CCAR1: variants seen among roughly 807,000 people sequenced by gnomAD.
CCAR1 encodes the protein cell division cycle and apoptosis regulator 1.
In CCAR1, 78 loss-of-function variants were observed where a neutral mutation model predicts 163.8. The observed-to-expected ratio is 0.48, with a 90% CI of 0.40 to 0.57. The LOEUF (loss-of-function observed/expected upper bound fraction) is 0.57. CCAR1 is among the 20% of genes least tolerant of loss of function. The pLI is 0.00. For missense variants in CCAR1, 1,019 were observed against 1,365.2 expected, an observed-to-expected ratio of 0.75 and a Z score of 4.00; for synonymous variants, 443 against 460.7, an observed-to-expected ratio of 0.96 and a Z score of 0.49.
At chr10:68,728,060 C>T (rs1043859145) in intron 2 of CCAR1, among the ~76,000 whole-genome samples, 6 of 152,190 alleles carry the variant, frequency 3.9e-5, no homozygotes, top group Non-Finnish European at 7.3e-5. Context: ...TGCTCTTGAA[C>T]TTCTGACCTC....
At chr10:68,787,651 C>T (rs1290431059) in intron 21 of CCAR1, among the ~76,000 whole-genome samples, 1 of 152,074 alleles carries the variant, frequency 6.6e-6, no homozygotes, top group Non-Finnish European at 1.5e-5. Flanking sequence ...GCCTGGCTAA[C>T]ATGGTGAAAC....
chr10:68,774,895 A>C, intron 19 of CCAR1: 1 of 374,894 alleles, frequency 2.7e-6, no homozygotes, highest in South Asian at 2.0e-5. Flanking sequence ...TTTTTAAAAA[A>C]TTATATTTTT....
intron 16 of CCAR1, among the ~76,000 whole-genome samples, chr10:68,764,130 T>A (rs1245326907): frequency 6.6e-6 from 1 of 152,202 alleles, no homozygotes; most frequent in Non-Finnish European, 1.5e-5. Flanking sequence ...AAGCTGTGAA[T>A]TTACACAGGT....
intron 5 of CCAR1, 86 bp from the exon 6 acceptor site, chr10:68,742,290 A>C: frequency 2.0e-6 from 2 of 987,302 alleles, no homozygotes; most frequent in Non-Finnish European, 3.0e-6. Flanking sequence ...AATTTTTAAC[A>C]TTCTGGGTTA....
intron 2 of CCAR1, among the ~76,000 whole-genome samples, chr10:68,723,743 G>A (rs1041673550): frequency 2.0e-5 from 3 of 151,832 alleles, no homozygotes; most frequent in African/African-American, 7.3e-5. Context: ...AGTTACTCGG[G>A]ATGCTGAGGC....
At chr10:68,767,093 A>G (rs2056545630) in intron 17 of CCAR1, among the ~76,000 whole-genome samples, 1 of 152,078 alleles carries the variant, frequency 6.6e-6, no homozygotes, top group Non-Finnish European at 1.5e-5. Flanking sequence ...TCTTCAGGAT[A>G]TCCATAATGT....
intron 2 of CCAR1, among the ~76,000 whole-genome samples, chr10:68,729,178 T>C (rs913646671): frequency 1.1e-4 from 16 of 152,176 alleles, no homozygotes; most frequent in African/African-American, 3.9e-4. Context: ...AATACAGTTA[T>C]ATAAGATCAT....
chr10:68,731,265 A>G (rs1467456873), intron 2 of CCAR1, among the ~76,000 whole-genome samples: 1 of 152,222 alleles, frequency 6.6e-6, no homozygotes, highest in Non-Finnish European at 1.5e-5. Flanking sequence ...AATTACTTGC[A>G]GAATGTTGAT....
chr10:68,740,647 A>G lies in CCAR1; in HGVS notation c.310A>G (p.Thr104Ala), dbSNP rs756431814. The change falls in exon 5 of 25, where the codon ACC becomes GCC. Residue 104 changes from threonine to alanine, a missense_variant. Coordinates refer to ENST00000265872, the MANE Select transcript of CCAR1 (RefSeq NM_018237.4). ...TTTTCAGTTACAGCAACCCCAGCAA[A>G]CCCTCTTAACACAGGTTAGTTGGTA... ...VQQQLQQPQQ[T>A]LLTQPAVALP... 1 of 1,610,976 alleles carries G rather than the reference A, an allele frequency of 6.2e-7. No individual in the cohort carries two copies. Among genetic ancestry groups the G allele is most frequent in the Non-Finnish European group, 8.5e-7 (1 of 1,178,434 alleles).
intron 2 of CCAR1, among the ~76,000 whole-genome samples, chr10:68,725,210 G>A (rs181236927): frequency 3.3e-5 from 5 of 151,376 alleles, no homozygotes; most frequent in Admixed American, 6.6e-5. Flanking sequence ...AACAAGGCCC[G>A]GTGCAGCACT....
At chr10:68,783,843 C>T (rs905310110) in intron 19 of CCAR1, among the ~76,000 whole-genome samples, 4 of 150,920 alleles carry the variant, frequency 2.7e-5, no homozygotes, top group Admixed American at 6.6e-5. Flanking sequence ...CTGCAAGCTC[C>T]GCCTCCTGGG....
At chr10:68,727,929 C>T (rs1395196179) in intron 2 of CCAR1, among the ~76,000 whole-genome samples, 1 of 152,160 alleles carries the variant, frequency 6.6e-6, no homozygotes, top group East Asian at 1.9e-4. Flanking sequence ...ACTTCTGCCT[C>T]CAGGGTTCAA....
chr10:68,736,791 G>T (rs1194671478), intron 2 of CCAR1, 85 bp from the exon 3 acceptor site: 4 of 1,161,864 alleles, frequency 3.4e-6, no homozygotes, highest in Non-Finnish European at 4.9e-6. Context: ...TGGGGGTGCG[G>T]GTATCTCTTC....
rs367652334 is a variant in CCAR1 at position 68,736,730 on chromosome 10, A to G, written c.74-146A>G. ...TTTATCCAGTTGTTCATTGATGGAC[A>G]CTTAGGTTGATTCCATATCTTGACT... On this transcript the variant is annotated intron_variant, in intron 2 of 24. Coordinates refer to ENST00000265872, the MANE Select transcript of CCAR1 (RefSeq NM_018237.4). The G allele has an allele frequency of 6.7e-6, 4 of 599,564 alleles. No individual in the cohort carries two copies. In the Admixed American group the frequency reaches 9.5e-5, roughly 14 times the overall value. The allele number at this position is 599,564 out of a possible 1,614,324, so 37.1% of individuals were successfully genotyped here.
At chr10:68,729,394 C>CGAGTAG (rs1261570532) in intron 2 of CCAR1, among the ~76,000 whole-genome samples, 1 of 151,312 alleles carries the variant, frequency 6.6e-6, no homozygotes, top group Non-Finnish European at 1.5e-5. Flanking sequence ...CTCAGCCTCC[C>CGAGTAG]GAGTAGCTGG....
chr10:68,790,121 A>C (rs1266641010), intron 24 of CCAR1, among the ~76,000 whole-genome samples: 1 of 152,300 alleles, frequency 6.6e-6, no homozygotes, highest in Admixed American at 6.5e-5. Flanking sequence ...TGGGAGGCCA[A>C]CGCGGGCGGA....
At chr10:68,748,165 T>C (rs768626399) in intron 8 of CCAR1, among the ~76,000 whole-genome samples, 4 of 152,230 alleles carry the variant, frequency 2.6e-5, no homozygotes, top group Non-Finnish European at 5.9e-5. Flanking sequence ...AGACGTGTTC[T>C]TATAAAAACA....
In CCAR1 at chr10:68,769,872, C is replaced by A. The variant is rs567500150; in HGVS notation, c.2299-1334C>A. On this transcript the variant is annotated intron_variant, in intron 17 of 24. Coordinates refer to ENST00000265872, the MANE Select transcript of CCAR1 (RefSeq NM_018237.4). ...AGGAGAATGGTGTGAATTGGCGAGGCGGAGCTTGCAGTGAGCCGAAATTCC... is the reference window on the plus strand; with the variant it reads ...AGGAGAATGGTGTGAATTGGCGAGGAGGAGCTTGCAGTGAGCCGAAATTCC... Among the ~76,000 whole-genome samples the A allele has an allele frequency of 1.7e-4, 24 of 144,070 alleles. No homozygotes were observed. In the South Asian group the frequency reaches 3.0e-3, roughly 18 times the overall value. The allele number at this position is 144,070 out of a possible 152,430, so 94.5% of individuals were successfully genotyped here. A position where few individuals can be genotyped will look rare whatever the true frequency, so the allele number is the denominator to read the frequency against.
intron 16 of CCAR1, 32 bp downstream of exon 16, chr10:68,761,224 G>A (rs1005470061): frequency 7.6e-7 from 1 of 1,313,590 alleles, no homozygotes; most frequent in Non-Finnish European, 1.0e-6. Flanking sequence ...ATACTCTATG[G>A]TATTAATATT....
Sources: allele counts gnomAD v4.1 joint callset (sites outside exome capture counted in the v4.1 genomes callset), GRCh38; gene constraint gnomAD v4.1.1; transcripts MANE v1.5; gene names NCBI Gene and HGNC (gene_info 2026-07-23, HGNC 2026-07-21).